The following OR51B5 variants were observed in gnomAD, a reference collection of about 807,000 sequenced individuals.
OR51B5 encodes olfactory receptor family 51 subfamily B member 5, also known as olfactory receptor 51B5.
For missense variants in OR51B5, 456 were observed against 374.6 expected (o/e 1.22, Z -1.79); for synonymous variants, 186 against 144.8 (o/e 1.28, Z -2.04).
chr11:5,494,624 A>C (rs781162581), intron 1 of OR51B5, among the ~76,000 whole-genome samples: 31 of 152,204 alleles, frequency 2.0e-4, no homozygotes, highest in Non-Finnish European at 4.3e-4. Flanking sequence ...TCTGGAGTGA[A>C]ACAAGCCTGG....
At chr11:5,362,406 C>A (rs1849298522) in intron 1 of OR51B5, among the ~76,000 whole-genome samples, 1 of 152,140 alleles carries the variant, frequency 6.6e-6, no homozygotes. Flanking sequence ...CAGTCTATGG[C>A]TTTGGAAAAT....
At chr11:5,479,662 G>A (rs970561240) in intron 1 of OR51B5, among the ~76,000 whole-genome samples, 2 of 151,706 alleles carry the variant, frequency 1.3e-5, no homozygotes, top group Admixed American at 1.3e-4. Context: ...AAAGGATGGA[G>A]GAAGATCTAC....
rs536774779 is a variant in OR51B5, at chr11:5,353,572, C to G, written n.85-6662G>C. Among the ~76,000 whole-genome samples, 4 of 152,328 alleles carry G rather than the reference C, an allele frequency of 2.6e-5. No individual in the cohort carries two copies. The East Asian group carries it at 7.7e-4, about 29-fold the overall frequency. On this transcript the variant is annotated intron_variant and non_coding_transcript_variant, in intron 1 of 4. Transcript: ENST00000415970. ...AAATACTTTTGATTCTTTTCAGAGT[C>G]TAGGCATGAGAAGAGGGGGTTTGTG...
At chr11:5,445,495 T>G (rs1850746858) in intron 1 of OR51B5, among the ~76,000 whole-genome samples, 1 of 152,002 alleles carries the variant, frequency 6.6e-6, no homozygotes, top group Non-Finnish European at 1.5e-5. Context: ...ACCAAACAGA[T>G]AAAAACAGAT....
At chr11:5,389,482 C>T in intron 1 of OR51B5, 1 of 1,614,012 alleles carries the variant, frequency 6.2e-7, no homozygotes, top group Non-Finnish European at 8.5e-7. Context: ...ATCTCACCAG[C>T]TTTCCTGGAT....
intron 1 of OR51B5, among the ~76,000 whole-genome samples, chr11:5,352,926 A>ATAAT (rs1435995658): frequency 1.3e-5 from 2 of 149,128 alleles, no homozygotes; most frequent in African/African-American, 2.5e-5. Context: ...AATTATATAT[A>ATAAT]TAATTCTTGG....
intron 1 of OR51B5, among the ~76,000 whole-genome samples, chr11:5,418,144 C>G (rs1850270011): frequency 6.6e-6 from 1 of 151,476 alleles, no homozygotes; most frequent in South Asian, 2.1e-4. Flanking sequence ...TCTCAGTAAA[C>G]TATTGCAAGA....
At chr11:5,435,330 A>G (rs1310050286) in intron 1 of OR51B5, among the ~76,000 whole-genome samples, 1 of 152,236 alleles carries the variant, frequency 6.6e-6, no homozygotes, top group African/African-American at 2.4e-5. Flanking sequence ...TTGCAGACTC[A>G]GAGACATAAT....
intron 1 of OR51B5, among the ~76,000 whole-genome samples, chr11:5,429,020 G>C (rs1850491862): frequency 6.6e-6 from 1 of 152,140 alleles, no homozygotes; most frequent in Non-Finnish European, 1.5e-5. Context: ...CTTAAGATTG[G>C]TGTTTTGAGA....
At chr11:5,448,846 G>T (rs773191172) in intron 1 of OR51B5, among the ~76,000 whole-genome samples, 13 of 152,196 alleles carry the variant, frequency 8.5e-5, no homozygotes, top group Non-Finnish European at 1.6e-4. Context: ...TATTATTCTA[G>T]ATTAAACCTT....
At chr11:5,368,256 A>G (rs1849401932) in intron 1 of OR51B5, among the ~76,000 whole-genome samples, 2 of 152,186 alleles carry the variant, frequency 1.3e-5, no homozygotes. Context: ...TGGGAATTAA[A>G]CAGTTTGGTT....
At chr11:5,399,894 G>C (rs7479727) in intron 1 of OR51B5, among the ~76,000 whole-genome samples, 78,562 of 151,986 alleles carry the variant, frequency 0.52, 20,610 homozygotes, top group African/African-American at 0.61. Flanking sequence ...TCCAATATCC[G>C]GTTATTTGAG....
At chr11:5,503,341 T>C (rs1041219688) in intron 1 of OR51B5, among the ~76,000 whole-genome samples, 2 of 152,162 alleles carry the variant, frequency 1.3e-5, no homozygotes, top group Admixed American at 1.3e-4. Flanking sequence ...AAAAAAACTG[T>C]CATTCAAAAT....
intron 1 of OR51B5, chr11:5,422,107 G>C (rs1474950504): frequency 2.9e-5 from 29 of 983,738 alleles, no homozygotes; most frequent in Non-Finnish European, 4.1e-5. Flanking sequence ...TATTTGTGTA[G>C]AATTTGGATT....
intron 1 of OR51B5, among the ~76,000 whole-genome samples, chr11:5,364,116 A>G (rs1233186929): frequency 6.6e-6 from 1 of 152,218 alleles, no homozygotes; most frequent in Admixed American, 6.5e-5. Context: ...ATAAAGGAAG[A>G]GGTATCTCAA....
At chr11:5,473,543 T>C (rs919304929) in intron 1 of OR51B5, among the ~76,000 whole-genome samples, 2 of 152,226 alleles carry the variant, frequency 1.3e-5, no homozygotes, top group Non-Finnish European at 2.9e-5. Flanking sequence ...GTGAGAACAA[T>C]ATTTATTTAC....
At chr11:5,419,182 G>T (rs961532638) in intron 1 of OR51B5, among the ~76,000 whole-genome samples, 1 of 152,172 alleles carries the variant, frequency 6.6e-6, no homozygotes, top group Non-Finnish European at 1.5e-5. Flanking sequence ...GGGCACACTT[G>T]TGTGTCACAG....
At chr11:5,417,574 T>A (rs1347384076) in intron 1 of OR51B5, among the ~76,000 whole-genome samples, 9 of 147,226 alleles carry the variant, frequency 6.1e-5, no homozygotes, top group African/African-American at 2.0e-4. Context: ...CTCAAACAAA[T>A]TTACAAGAAA....
At chr11:5,385,668 A>C (rs1021436535) in intron 1 of OR51B5, among the ~76,000 whole-genome samples, 1 of 148,896 alleles carries the variant, frequency 6.7e-6, no homozygotes, top group Non-Finnish European at 1.5e-5. Context: ...ATAATAAAGA[A>C]TACGTATAAA....
Sources: allele counts gnomAD v4.1 joint callset (sites outside exome capture counted in the v4.1 genomes callset), GRCh38; gene constraint gnomAD v4.1.1; transcripts MANE v1.5; gene names NCBI Gene and HGNC (gene_info 2026-07-23, HGNC 2026-07-21).